Variants in COL2A1 observed in about 807,000 individuals in gnomAD.
COL2A1 encodes the protein collagen alpha-1(II) chain.
Under a neutral mutation model 204.5 loss-of-function variants are expected in COL2A1, and 28 were observed. The ratio of observed to expected loss-of-function variants is 0.14; its 90% confidence interval spans 0.10 to 0.19. The LOEUF (loss-of-function observed/expected upper bound fraction) is 0.19, where lower values mean the gene tolerates loss of function less well. COL2A1 is among the 10% of genes least tolerant of loss of function. The pLI is 1.00. For missense variants in COL2A1, 1,388 were observed against 2,027.5 expected (o/e 0.68, Z 6.06); for synonymous variants, 708 against 718.7 (o/e 0.99, Z 0.24).
rs200488859 is a variant in COL2A1 at position 47,974,730 on chromosome 12, T to C, written c.4019A>G (p.Lys1340Arg). 1.2e-6 allele frequency: 2 copies of C among 1,614,212 alleles called. No individual in the cohort carries two copies. The highest frequency in any genetic ancestry group is 1.7e-6 in the Non-Finnish European group (2 of 1,180,030). The part of the protein sequence containing the change: ...NVPKKNWWSS[K>R]SKEKKHIWFG... ...CCAGATGTGTTTCTTCTCCTTGCTC[T>C]TGCTGCTCCACCAGTTCTTCTTGGG... The change falls in exon 52 of 54, where the codon AAG (lysine) becomes AGG (arginine). Residue 1340 changes from lysine to arginine, a missense_variant. Physicochemically the swap from Lys to Arg is conservative, Grantham distance 26 (BLOSUM62 2). Transcript: ENST00000380518.
rs1370777977 is a variant in COL2A1, at chr12:47,976,664, C to T, written c.3436-97G>A. The T allele has an allele frequency of 2.8e-6, 4 of 1,412,394 alleles. No homozygotes were observed. Among genetic ancestry groups the T allele is most frequent in the Non-Finnish European group, 4.0e-6 (4 of 1,005,280 alleles). The allele number at this position is 1,412,394 out of a possible 1,614,324, so 87.5% of individuals were successfully genotyped here. On this transcript the variant is annotated intron_variant, in intron 48 of 53. Coordinates refer to ENST00000380518, the MANE Select transcript of COL2A1 (RefSeq NM_001844.5). The surrounding 1 kb of genome is among the most constrained non-coding windows in gnomAD (Gnocchi z 4.3). ...AACAGCTTTATGTCCCAGCCCCATT[C>T]CCTTTCCACTTCCTCCTCCCTCCAG...
intron 40 of COL2A1, among the ~76,000 whole-genome samples, chr12:47,979,800 G>C (rs1938938847): frequency 6.6e-6 from 1 of 152,200 alleles, no homozygotes; most frequent in Admixed American, 6.5e-5. Context: ...CTGAACGAGG[G>C]ACAAGCCTCG....
At position 47,979,584 on chromosome 12, in the gene COL2A1, C is replaced by T; in HGVS notation, c.2680-20G>A. ...GGCTCCCTGTGTGGGGAGAGGAGAG[C>T]CCCTGAGAACCTCAAGCCCTCAGGA... On this transcript the variant is annotated intron_variant, in intron 40 of 53. Transcript: ENST00000380518. 6.2e-7 allele frequency: 1 copy of T among 1,610,090 alleles called. No homozygotes were observed. The highest frequency in any genetic ancestry group is 8.5e-7 in the Non-Finnish European group (1 of 1,178,702).
chr12:47,983,031 A>G (rs1939183392), intron 32 of COL2A1, 62 bp downstream of exon 32: 1 of 1,607,926 alleles, frequency 6.2e-7, no homozygotes, highest in African/African-American at 1.3e-5. Context: ...GGAAAGGAGC[A>G]GGAGCATAGG....
intron 2 of COL2A1, chr12:47,999,671 C>A (rs1451742765): frequency 1.1e-5 from 3 of 269,170 alleles, no homozygotes; most frequent in Non-Finnish European, 1.3e-5. Flanking sequence ...CACATCTGTC[C>A]TTCATGTGTC....
rs1211158520 is a variant in COL2A1, at chr12:47,992,915, G to C, written c.986C>G (p.Pro329Arg). The C allele has an allele frequency of 6.2e-7, 1 of 1,614,164 alleles. No homozygotes were observed. The change falls in exon 16 of 54, where the codon CCT becomes CGT. Residue 329 changes from proline (P) to arginine (R), a missense_variant. Pro to Arg is a moderately radical substitution (Grantham distance 103). This residue lies in a region of COL2A1 where 884 missense variants were observed against 1,415.8 expected (regional missense o/e 0.62). Transcript: ENST00000380518. ...SPGPMGPRGLPGERGRTGPAG... is the reference protein window; with the variant it reads ...SPGPMGPRGLRGERGRTGPAG... ...AGGGCCAGTCCGTCCTCTTTCACCAGGCAGGCCACGAGGACCCTGGAACAC... is the reference window on the plus strand; with the variant it reads ...AGGGCCAGTCCGTCCTCTTTCACCACGCAGGCCACGAGGACCCTGGAACAC...
At chr12:48,004,617 C>T, upstream of COL2A1, 1 of 297,180 alleles carries the variant, frequency 3.4e-6, no homozygotes, top group Non-Finnish European at 6.3e-6. Flanking sequence ...CTGGGCCCTG[C>T]CAGTGCCCGC....
rs1939903019 is a variant in COL2A1, at chr12:47,995,326, T to C, written c.709-18A>G. 1.9e-6 allele frequency: 3 copies of C among 1,609,004 alleles called. No homozygotes were observed. Among genetic ancestry groups the C allele is most frequent in the Non-Finnish European group, 2.6e-6 (3 of 1,175,530 alleles). ...ATGGGACCCTACAAACAAAGGAAGA[T>C]AGTTTAAGAGATGGTTATAGTGGGA... is the stretch of plus-strand genomic sequence containing the variant. On this transcript the variant is annotated intron_variant, in intron 10 of 53. Transcript: ENST00000380518.
rs747506253 is a variant in COL2A1, at chr12:47,980,000, C to A, written c.2679+9G>T. The A allele has an allele frequency of 3.9e-6, 6 of 1,553,072 alleles. No individual in the cohort carries two copies. In the South Asian group the frequency reaches 7.1e-5, roughly 18 times the overall value. On this transcript the variant is annotated intron_variant, in intron 40 of 53. Coordinates refer to ENST00000380518, the MANE Select transcript of COL2A1 (RefSeq NM_001844.5). ...AGGTGCAGGGTGGGGTGTCAGAGGC[C>A]TCACTCACCGGGGGGCCTTGGGCAC...
At chr12:47,985,401 A>G (rs938736837) in intron 26 of COL2A1, 133 bp downstream of exon 26, 6 of 975,444 alleles carry the variant, frequency 6.2e-6, no homozygotes, top group African/African-American at 3.2e-5. Flanking sequence ...AGTGCCTACC[A>G]TCTACCCCCT....
At chr12:47,981,977 C>T in intron 35 of COL2A1, 130 bp downstream of exon 35, 1 of 1,271,486 alleles carries the variant, frequency 7.9e-7, no homozygotes, top group Non-Finnish European at 1.2e-6. Context: ...GAAGTCCCTG[C>T]AGTTGCCCAG....
At chr12:47,992,975 G>A (rs372143945) in intron 15 of COL2A1, 44 bp from the exon 16 acceptor site, 137 of 1,585,822 alleles carry the variant, frequency 8.6e-5, no homozygotes, top group East Asian at 2.5e-4. Context: ...TTGGCTTTAC[G>A]GTGCTCAGGG....
chr12:47,985,469 CTT>C (rs977918547), intron 26 of COL2A1, 63 bp downstream of exon 26: 52 of 1,546,830 alleles, frequency 3.4e-5, no homozygotes, highest in Middle Eastern at 3.4e-4. Flanking sequence ...CTCCATCTCT[CTT>C]TTCCCTTGCT....
At chr12:47,999,424 G>A (rs1192445637) in intron 2 of COL2A1, among the ~76,000 whole-genome samples, 1 of 152,184 alleles carries the variant, frequency 6.6e-6, no homozygotes, top group Non-Finnish European at 1.5e-5. Context: ...TACCACCAAT[G>A]TTCCATAACT....
chr12:47,980,528 A>C lies in COL2A1; in HGVS notation c.2625+26T>G. 1 of 1,568,132 alleles carries C rather than the reference A, an allele frequency of 6.4e-7. No homozygotes were observed. Among genetic ancestry groups the C allele is most frequent in the Non-Finnish European group, 8.7e-7 (1 of 1,151,550 alleles). On this transcript the variant is annotated intron_variant, in intron 39 of 53. Coordinates refer to ENST00000380518, the MANE Select transcript of COL2A1 (RefSeq NM_001844.5). This position sits in a 1 kb window ranked among gnomAD's most constrained non-coding sequence, Gnocchi z 4.5. ...GCCAGGAGCCCTTCCTTGAGGGAAC[A>C]ATTCTTGGAGTGCAGCGTTACCCAC... is the stretch of plus-strand genomic sequence containing the variant.
At position 47,983,423 on chromosome 12, in the gene COL2A1, G is replaced by A; in HGVS notation, c.2011C>T (p.Pro671Ser). 6.2e-7 allele frequency: 1 copy of A among 1,614,164 alleles called. No homozygotes were observed. The highest frequency in any genetic ancestry group is 1.3e-5 in the African/African-American group (1 of 75,062). ...PSGFQGLPGP[P>S]GPPGEGGKPG... is the part of the protein sequence containing the mutation. ...TTTCCACCTTCACCTGGGGGACCAG[G>A]AGGGCCAGGAAGTCCCTAGAAGCCG... Residue 671 changes from proline (P) to serine (S), a missense_variant, in exon 31 of 54, where the codon CCT becomes TCT. By Grantham distance (74) the Pro-to-Ser change is moderately conservative. Transcript: ENST00000380518.
upstream of COL2A1, chr12:48,004,615 T>G: frequency 1.0e-5 from 3 of 297,710 alleles, no homozygotes. Flanking sequence ...GCCTGGGCCC[T>G]GCCAGTGCCC....
chr12:47,989,165 G>A, intron 18 of COL2A1, 63 bp downstream of exon 18: 2 of 1,409,952 alleles, frequency 1.4e-6, no homozygotes, highest in Non-Finnish European at 2.0e-6. Flanking sequence ...ATGAGCAAGG[G>A]TTACGGGGAA....
Position 47,977,109 on chromosome 12 carries a change from C to T in COL2A1, c.3320G>A (p.Gly1107Glu), listed in dbSNP as rs544032562. 1.2e-6 allele frequency: 2 copies of T among 1,607,492 alleles called. No individual in the cohort carries two copies. Among genetic ancestry groups the T allele is most frequent in the Non-Finnish European group, 1.7e-6 (2 of 1,177,600 alleles). The change falls in exon 47 of 54, where the codon GGA (glycine) becomes GAA (glutamate). Residue 1107 changes from glycine (G) to glutamate (E), a missense_variant. Gly to Glu is a moderately conservative substitution (Grantham distance 98). Around this residue, in one of 3 missense-constraint regions of COL2A1, gnomAD observed 884 missense variants for 1,415.8 expected, o/e 0.62. Coordinates refer to ENST00000380518, the MANE Select transcript of COL2A1 (RefSeq NM_001844.5). ...MGPSGPAGAR[G>E]IQGPQGPRGD... Reference sequence around the variant, plus strand: ...GGACACTTGGATACTCACCTGGATTCCCCGGGCTCCAGCTGGTCCTGAGGG... The same window carrying T: ...GGACACTTGGATACTCACCTGGATTTCCCGGGCTCCAGCTGGTCCTGAGGG...
Sources: gnomAD v4.1 joint callset for allele counts (sites outside exome capture counted in the v4.1 genomes callset) on GRCh38, gnomAD v4.1.1 for gene constraint, gnomAD v4.1.1 regional missense constraint, Gnocchi (gnomAD v3.1) non-coding constraint, MANE v1.5 for transcripts, NCBI Gene and HGNC (gene_info 2026-07-23, HGNC 2026-07-21) for gene names.